Variants in PALM2AKAP2 observed in about 807,000 individuals in gnomAD.
PALM2AKAP2 encodes the protein PALM2-AKAP2 fusion protein.
Under a neutral mutation model 71.5 loss-of-function variants are expected in PALM2AKAP2, and 37 were observed. That is an observed-to-expected ratio of 0.52 (90% CI 0.40 to 0.68). The LOEUF (loss-of-function observed/expected upper bound fraction) is 0.68, where lower values mean the gene tolerates loss of function less well. Ranked by LOEUF, PALM2AKAP2 falls within the 30% of genes least tolerant of loss-of-function variation. The pLI, the probability that PALM2AKAP2 is intolerant of heterozygous loss-of-function variation, is 0.00. For missense variants in PALM2AKAP2, 1,224 were observed against 1,191.8 expected (o/e 1.03, Z -0.40); for synonymous variants, 468 against 478.8 (o/e 0.98, Z 0.29).
chr9:109,756,924 T>A (rs1421365346), intron 1 of PALM2AKAP2, among the ~76,000 whole-genome samples: 1 of 152,148 alleles, frequency 6.6e-6, no homozygotes. Flanking sequence ...ATCTGGGTAT[T>A]TAAGAAGTCT....
chr9:109,851,156 A>G (rs145694059), intron 1 of PALM2AKAP2, among the ~76,000 whole-genome samples: 12,155 of 151,176 alleles, frequency 0.08, 652 homozygotes, highest in East Asian at 0.19. Context: ...CAGCCTGGGC[A>G]ACAGAGGGAG....
At chr9:110,122,201 C>T (rs1000871528) in intron 1 of PALM2AKAP2, among the ~76,000 whole-genome samples, 20 of 152,260 alleles carry the variant, frequency 1.3e-4, no homozygotes, top group African/African-American at 4.6e-4. Flanking sequence ...GGCTACTTTT[C>T]AAATTTTGTA....
chr9:109,668,906 T>C (rs1827532120), intron 1 of PALM2AKAP2, among the ~76,000 whole-genome samples: 1 of 152,244 alleles, frequency 6.6e-6, no homozygotes, highest in Non-Finnish European at 1.5e-5. Context: ...AGATTCCATG[T>C]GATCATCAAC....
chr9:110,007,675 G>A (rs530464959), intron 6 of PALM2AKAP2, among the ~76,000 whole-genome samples: 79 of 152,180 alleles, frequency 5.2e-4, no homozygotes, highest in African/African-American at 1.8e-3. Flanking sequence ...TGCCACTGTA[G>A]GGAACTGAAA....
At chr9:109,649,356 G>T (rs1446619090) in intron 1 of PALM2AKAP2, among the ~76,000 whole-genome samples, 1 of 151,944 alleles carries the variant, frequency 6.6e-6, no homozygotes. Context: ...ATGTTCCTAT[G>T]AGTTTCCTTA....
chr9:109,670,805 A>G lies in PALM2AKAP2; in HGVS notation c.5+29939A>G, dbSNP rs188224145. Among the ~76,000 whole-genome samples, 148 of 152,190 alleles carry G rather than the reference A, an allele frequency of 9.7e-4. 3 individuals carry two copies. The highest frequency in any genetic ancestry group is 4.7e-3 in the Admixed American group (72 of 15,276). On this transcript the variant is annotated intron_variant, in intron 1 of 6. Coordinates refer to the PALM2AKAP2 transcript ENST00000374531. Reference sequence around the variant, plus strand: ...TTTTATTTTTTGACTATTTAATAATAGCCATTCTGAATGGTGTGAGATGGT... The same window carrying G: ...TTTTATTTTTTGACTATTTAATAATGGCCATTCTGAATGGTGTGAGATGGT...
Position 110,114,695 on chromosome 9 carries a change from C to T in PALM2AKAP2, c.157-21432C>T, listed in dbSNP as rs1053364229. 5.9e-5 allele frequency among the ~76,000 whole-genome samples: 9 copies of T among 152,276 alleles called. No individual in the cohort carries two copies. In the South Asian group the frequency reaches 1.5e-3, roughly 25 times the overall value. Reference sequence around the variant, plus strand: ...GAGTCTAAAACCTATGGCAGCAAAACGGTCAACAGCAGGCAGCCCTGGGAT... The same window carrying T: ...GAGTCTAAAACCTATGGCAGCAAAATGGTCAACAGCAGGCAGCCCTGGGAT... On this transcript the variant is annotated intron_variant, in intron 1 of 3. Transcript: ENST00000374525.
At chr9:110,000,020 T>A (rs1441792278) in intron 6 of PALM2AKAP2, among the ~76,000 whole-genome samples, 2 of 152,192 alleles carry the variant, frequency 1.3e-5, no homozygotes, top group Non-Finnish European at 2.9e-5. Flanking sequence ...TTTTTCTTTT[T>A]TTAATTATAC....
exon 2 of PALM2AKAP2, chr9:110,137,297 C>T: frequency 1.2e-6 from 2 of 1,614,210 alleles, no homozygotes; most frequent in Non-Finnish European, 1.7e-6. Flanking sequence ...CTCCATCAAG[C>T]CTTTCTACAG....
At chr9:109,756,637 A>G (rs1353344748) in intron 1 of PALM2AKAP2, among the ~76,000 whole-genome samples, 3 of 152,192 alleles carry the variant, frequency 2.0e-5, no homozygotes, top group East Asian at 1.9e-4. Context: ...TGTGGAGTTT[A>G]TCTGAGTGCC....
intron 1 of PALM2AKAP2, among the ~76,000 whole-genome samples, chr9:109,758,219 G>C (rs919877450): frequency 6.6e-6 from 1 of 152,078 alleles, no homozygotes; most frequent in African/African-American, 2.4e-5. Context: ...CTGTCTTAAA[G>C]AGAAGTTGTG....
At chr9:109,923,932 C>A in intron 4 of PALM2AKAP2, 83 bp downstream of exon 4, 1 of 1,340,510 alleles carries the variant, frequency 7.5e-7, no homozygotes, top group Non-Finnish European at 9.9e-7. Flanking sequence ...GGGAAACAGG[C>A]CAGTGGGCAT....
intron 6 of PALM2AKAP2, among the ~76,000 whole-genome samples, chr9:109,940,530 G>T (rs911202980): frequency 1.3e-5 from 2 of 152,178 alleles, no homozygotes; most frequent in Non-Finnish European, 2.9e-5. Flanking sequence ...TGTGCTAAAT[G>T]GAAAAGGAGC....
At chr9:109,853,613 T>A (rs1411083525) in intron 1 of PALM2AKAP2, among the ~76,000 whole-genome samples, 1 of 152,252 alleles carries the variant, frequency 6.6e-6, no homozygotes, top group African/African-American at 2.4e-5. Context: ...GTAAAAGCAC[T>A]GCTCATTGGC....
In PALM2AKAP2 at chr9:109,866,209, G is replaced by A. The variant is rs116563736; in HGVS notation, c.46-1282G>A. On this transcript the variant is annotated intron_variant, in intron 1 of 9. Transcript: ENST00000302798. The stretch of plus-strand genomic sequence containing the variant: ...ATAGCAATGGTACAATCATAGCCCC[G>A]GAAACATAGCGACTACATAAAATAA... Among the ~76,000 whole-genome samples, 826 of 152,226 alleles carry A rather than the reference G, an allele frequency of 5.4e-3. 7 individuals carry two copies. The highest frequency in any genetic ancestry group is 0.018 in the African/African-American group (763 of 41,536).
chr9:109,731,247 T>C (rs1216991982), intron 1 of PALM2AKAP2, among the ~76,000 whole-genome samples: 2 of 152,192 alleles, frequency 1.3e-5, no homozygotes, highest in Non-Finnish European at 2.9e-5. Context: ...TGCCAGCAAA[T>C]AATGGAATCA....
chr9:109,925,074 C>G, exon 5 of PALM2AKAP2: 3 of 1,614,014 alleles, frequency 1.9e-6, no homozygotes, highest in Non-Finnish European at 2.5e-6. Flanking sequence ...TTCTCCAGTA[C>G]GGATGGAGGT....
intron 1 of PALM2AKAP2, among the ~76,000 whole-genome samples, chr9:109,800,252 G>T (rs1390733049): frequency 6.6e-6 from 1 of 152,214 alleles, no homozygotes; most frequent in Non-Finnish European, 1.5e-5. Flanking sequence ...TAGGGCCAAA[G>T]AACTAATATT....
At chr9:110,160,759 A>C (rs1474120266) in intron 3 of PALM2AKAP2, among the ~76,000 whole-genome samples, 2 of 152,142 alleles carry the variant, frequency 1.3e-5, no homozygotes, top group African/African-American at 4.8e-5. Context: ...CCAGAGTCCA[A>C]ATCACAGCCT....
Sources: allele counts gnomAD v4.1 joint callset (sites outside exome capture counted in the v4.1 genomes callset), GRCh38; gene constraint gnomAD v4.1.1; transcripts MANE v1.5; gene names NCBI Gene and HGNC (gene_info 2026-07-23, HGNC 2026-07-21).